The following SAE1 variants were observed in gnomAD, a reference collection of about 807,000 sequenced individuals.
The protein encoded by SAE1 is SUMO1 activating enzyme subunit 1.
Under a neutral mutation model 40.6 loss-of-function variants are expected in SAE1, and 11 were observed. The observed-to-expected ratio is 0.27, with a 90% CI of 0.17 to 0.45. The LOEUF is 0.45. Among genes scored for constraint, SAE1 ranks in the 20% least tolerant of loss-of-function variants. The pLI is 1.00. For synonymous variants in SAE1, 155 were observed against 154.3 expected (o/e 1.00, Z -0.03); for missense variants, 373 against 427.3 (o/e 0.87, Z 1.12).
intron 6 of SAE1, among the ~76,000 whole-genome samples, chr19:47,188,546 T>C (rs529574711): frequency 6.6e-6 from 1 of 152,310 alleles, no homozygotes; most frequent in African/African-American, 2.4e-5. Flanking sequence ...TCGGCTTTTC[T>C]AGGGCGAGTG....
chr19:47,144,369 A>G (rs2058241945), intron 2 of SAE1, among the ~76,000 whole-genome samples: 1 of 150,918 alleles, frequency 6.6e-6, no homozygotes, highest in African/African-American at 2.4e-5. Flanking sequence ...GTTTCAGGAG[A>G]TTATGATTTA....
At chr19:47,192,070 AAAAG>A (rs2058581994) in intron 6 of SAE1, among the ~76,000 whole-genome samples, 1 of 150,960 alleles carries the variant, frequency 6.6e-6, no homozygotes, top group Admixed American at 6.6e-5. Flanking sequence ...AAAAAAAGAA[AAAAG>A]AGAGAGAAAG....
intron 3 of SAE1, among the ~76,000 whole-genome samples, chr19:47,151,259 C>A (rs1441897168): frequency 6.6e-6 from 1 of 151,386 alleles, no homozygotes; most frequent in East Asian, 1.9e-4. Context: ...AAGTGATTCT[C>A]CTGCCTCAGC....
chr19:47,152,385 A>C (rs1221684586), intron 3 of SAE1, among the ~76,000 whole-genome samples: 1 of 152,230 alleles, frequency 6.6e-6, no homozygotes, highest in Non-Finnish European at 1.5e-5. Context: ...TTCACACCGC[A>C]ATCTGTGGAA....
At chr19:47,193,122 A>G (rs2058590005) in intron 6 of SAE1, among the ~76,000 whole-genome samples, 1 of 150,670 alleles carries the variant, frequency 6.6e-6, no homozygotes, top group East Asian at 2.0e-4. Flanking sequence ...CAGTGGCACA[A>G]TCTCGGCTCA....
intron 6 of SAE1, chr19:47,180,101 G>A (rs954208691): frequency 2.2e-6 from 1 of 448,442 alleles, no homozygotes; most frequent in African/African-American, 2.0e-5. Context: ...AGTAATAGAT[G>A]TATGTGTGTA....
At chr19:47,189,519 C>T (rs901585609) in intron 6 of SAE1, among the ~76,000 whole-genome samples, 4 of 152,058 alleles carry the variant, frequency 2.6e-5, no homozygotes, top group African/African-American at 9.7e-5. Flanking sequence ...AAAGATCGCG[C>T]CACTGCACTC....
At chr19:47,207,062 T>C (rs1568613247) in intron 8 of SAE1, among the ~76,000 whole-genome samples, 1 of 152,094 alleles carries the variant, frequency 6.6e-6, no homozygotes. Flanking sequence ...TTGGGAGGAT[T>C]GCTTGAACCT....
At chr19:47,150,074 CAAAAAA>C (rs34440742) in intron 2 of SAE1, 122 bp from the exon 3 acceptor site, 10 of 339,356 alleles carry the variant, frequency 2.9e-5, no homozygotes, top group South Asian at 1.8e-4. Context: ...AAGACTGTCT[CAAAAAA>C]AAAAAAAAAA....
intron 8 of SAE1, among the ~76,000 whole-genome samples, chr19:47,205,799 G>T (rs1355629451): frequency 6.6e-6 from 1 of 152,172 alleles, no homozygotes; most frequent in African/African-American, 2.4e-5. Context: ...GTGATCCCTG[G>T]TTTATAAAAG....
At chr19:47,161,216 G>T (rs752194153) in intron 5 of SAE1, among the ~76,000 whole-genome samples, 50 of 127,632 alleles carry the variant, frequency 3.9e-4, no homozygotes, top group Non-Finnish European at 6.1e-4. Context: ...TTGCTGTGTT[G>T]CCCAGGCTGA....
At chr19:47,197,500 G>T in intron 7 of SAE1, 123 bp downstream of exon 7, 1 of 709,900 alleles carries the variant, frequency 1.4e-6, no homozygotes, top group Non-Finnish European at 2.3e-6. Context: ...CATTCTGCTC[G>T]CTCCTGTAGA....
At chr19:47,146,161 A>T (rs1030488209) in intron 2 of SAE1, among the ~76,000 whole-genome samples, 5 of 152,174 alleles carry the variant, frequency 3.3e-5, no homozygotes, top group African/African-American at 1.2e-4. Context: ...TTAGAGTGTG[A>T]GACCCAAAGT....
intron 3 of SAE1, among the ~76,000 whole-genome samples, chr19:47,151,756 T>C (rs2058289924): frequency 1.3e-5 from 2 of 152,242 alleles, no homozygotes; most frequent in South Asian, 4.1e-4. Flanking sequence ...TTCATTTTCT[T>C]ATCTGTAGTA....
At chr19:47,159,509 A>C (rs2058345148) in intron 5 of SAE1, among the ~76,000 whole-genome samples, 1 of 151,524 alleles carries the variant, frequency 6.6e-6, no homozygotes, top group South Asian at 2.1e-4. Context: ...GGTGGCTGTT[A>C]ACTGCAGCAT....
At chr19:47,170,668 A>G (rs1347656451) in intron 6 of SAE1, among the ~76,000 whole-genome samples, 1 of 151,936 alleles carries the variant, frequency 6.6e-6, no homozygotes, top group Non-Finnish European at 1.5e-5. Context: ...CACTGTGCCC[A>G]GCTAGTTTTT....
At chr19:47,188,705 A>G (rs956555004) in intron 6 of SAE1, among the ~76,000 whole-genome samples, 1 of 152,208 alleles carries the variant, frequency 6.6e-6, no homozygotes, top group African/African-American at 2.4e-5. Context: ...GAGGAGGCTC[A>G]GGGTCCTTGT....
chr19:47,191,632 ACT>A (rs369514280), intron 6 of SAE1, among the ~76,000 whole-genome samples: 3 of 151,758 alleles, frequency 2.0e-5, no homozygotes, highest in African/African-American at 7.3e-5. Flanking sequence ...GTGCTAGATG[ACT>A]CTTGTGCGAT....
chr19:47,135,119 C>G (rs548002961), intron 1 of SAE1, among the ~76,000 whole-genome samples: 3 of 152,136 alleles, frequency 2.0e-5, no homozygotes, highest in African/African-American at 7.2e-5. Flanking sequence ...GGGTAATAAT[C>G]ACATCAGGGT....
Sources: allele counts gnomAD v4.1 joint callset (sites outside exome capture counted in the v4.1 genomes callset), GRCh38; gene constraint gnomAD v4.1.1; transcripts MANE v1.5; gene names NCBI Gene and HGNC (gene_info 2026-07-23, HGNC 2026-07-21).